Variants in UTRN observed in about 807,000 individuals in gnomAD.
UTRN encodes utrophin, also known as dystrophin-related protein 1.
A neutral mutation model predicts 463.9 loss-of-function variants in UTRN; 283 were observed. The observed-to-expected ratio is 0.61, with a 90% CI of 0.55 to 0.67. The LOEUF (loss-of-function observed/expected upper bound fraction) is 0.67. Ranked by LOEUF, UTRN falls within the 30% of genes least tolerant of loss-of-function variation. The pLI is 0.00. For synonymous variants in UTRN, 1,442 were observed against 1,431.5 expected (o/e 1.01, Z -0.17); for missense variants, 3,922 against 4,084.3 (o/e 0.96, Z 1.08).
intron 51 of UTRN, among the ~76,000 whole-genome samples, chr6:144,650,179 A>G (rs1054973754): frequency 1.2e-4 from 19 of 152,318 alleles, no homozygotes; most frequent in African/African-American, 3.8e-4. Context: ...CTTATTCACT[A>G]TCAGGAGAAC....
chr6:144,493,216 T>G, intron 32 of UTRN, 85 bp from the exon 33 acceptor site: 2 of 1,336,726 alleles, frequency 1.5e-6, no homozygotes, highest in East Asian at 2.4e-5. Context: ...GCTGTCAATC[T>G]GTGTAAGCTG....
At chr6:144,617,923 C>G (rs1806313453) in intron 51 of UTRN, among the ~76,000 whole-genome samples, 1 of 152,082 alleles carries the variant, frequency 6.6e-6, no homozygotes, top group Admixed American at 6.6e-5. Flanking sequence ...ATGGGCAGTT[C>G]AACTATTCTT....
chr6:144,748,006 T>A lies in UTRN; in HGVS notation c.7940-240T>A, dbSNP rs9390206. Among the ~76,000 whole-genome samples, 264 of 152,284 alleles carry A rather than the reference T, an allele frequency of 1.7e-3. 4 individuals carry two copies. The East Asian group carries it at 0.04, about 23-fold the overall frequency. ...AATATATTAAAGTTCAAAAACCGGGTCAATTTATTAATCTCAGTAACTGTT... is the reference window on the plus strand; with the variant it reads ...AATATATTAAAGTTCAAAAACCGGGACAATTTATTAATCTCAGTAACTGTT... On this transcript the variant is annotated intron_variant, in intron 54 of 74. Coordinates refer to ENST00000367545, the MANE Select transcript of UTRN (RefSeq NM_007124.3).
chr6:144,839,550 G>A (rs1781380686), intron 72 of UTRN, among the ~76,000 whole-genome samples: 3 of 152,134 alleles, frequency 2.0e-5, no homozygotes, highest in East Asian at 3.8e-4. Flanking sequence ...TTTAGAATGA[G>A]CAAGAAATTA....
chr6:144,825,763 T>C (rs1204009459), intron 66 of UTRN, among the ~76,000 whole-genome samples: 1 of 152,174 alleles, frequency 6.6e-6, no homozygotes, highest in Admixed American at 6.5e-5. Context: ...AGAAAGTATA[T>C]AGCATATCAT....
chr6:144,651,761 C>T (rs1778837497), intron 51 of UTRN, among the ~76,000 whole-genome samples: 1 of 152,060 alleles, frequency 6.6e-6, no homozygotes, highest in African/African-American at 2.4e-5. Flanking sequence ...TGTCAGTTTG[C>T]GTGTTGTAAA....
intron 60 of UTRN, among the ~76,000 whole-genome samples, chr6:144,775,781 GT>G (rs567354244): frequency 2.6e-5 from 4 of 152,118 alleles, no homozygotes; most frequent in Non-Finnish European, 5.9e-5. Context: ...CATGGTCCCA[GT>G]TTTCGACAAC....
intron 14 of UTRN, 85 bp downstream of exon 14, chr6:144,444,467 GTTTAC>G: frequency 1.0e-6 from 1 of 990,592 alleles, no homozygotes; most frequent in Non-Finnish European, 1.4e-6. Context: ...AAGTTGCCTT[GTTTAC>G]TTTTCTTTGA....
intron 53 of UTRN, among the ~76,000 whole-genome samples, chr6:144,702,991 T>A (rs1784743983): frequency 6.6e-6 from 1 of 152,162 alleles, no homozygotes; most frequent in Non-Finnish European, 1.5e-5. Flanking sequence ...TATTATGTAA[T>A]AATATAGGTA....
At chr6:144,707,597 A>G (rs761401821) in intron 53 of UTRN, among the ~76,000 whole-genome samples, 6 of 152,202 alleles carry the variant, frequency 3.9e-5, no homozygotes, top group Non-Finnish European at 7.3e-5. Flanking sequence ...AGTTATATTT[A>G]CCCAGGCCAA....
intron 53 of UTRN, among the ~76,000 whole-genome samples, chr6:144,725,305 A>G (rs1001675485): frequency 1.9e-4 from 29 of 152,310 alleles, no homozygotes; most frequent in African/African-American, 7.0e-4. Context: ...GCCATGGGGA[A>G]CTATGAGTCC....
At chr6:144,834,713 T>C (rs541433706) in intron 69 of UTRN, among the ~76,000 whole-genome samples, 11 of 152,340 alleles carry the variant, frequency 7.2e-5, no homozygotes, top group African/African-American at 2.6e-4. Context: ...CACCAGGTTC[T>C]TTCTGGCTGC....
At chr6:144,734,670 C>T (rs968779301) in intron 54 of UTRN, among the ~76,000 whole-genome samples, 1 of 152,136 alleles carries the variant, frequency 6.6e-6, no homozygotes, top group Admixed American at 6.6e-5. Context: ...CCTTTATCAC[C>T]ACGTCTACTA....
At chr6:144,450,883 C>T (rs904696777) in intron 17 of UTRN, among the ~76,000 whole-genome samples, 17 of 152,240 alleles carry the variant, frequency 1.1e-4, no homozygotes, top group African/African-American at 3.9e-4. Context: ...AATCACAGCA[C>T]TTTGGGAGGC....
At chr6:144,782,288 G>T (rs762640604) in intron 61 of UTRN, among the ~76,000 whole-genome samples, 165 bp downstream of exon 61, 1 of 152,082 alleles carries the variant, frequency 6.6e-6, no homozygotes, top group Admixed American at 6.5e-5. Context: ...AAATCATTGA[G>T]CTTCTTAACA....
At chr6:144,359,293 T>C (rs976143829) in intron 2 of UTRN, among the ~76,000 whole-genome samples, 1 of 152,172 alleles carries the variant, frequency 6.6e-6, no homozygotes, top group Non-Finnish European at 1.5e-5. Context: ...TCTCCAGACA[T>C]TGCCAGGTGT....
chr6:144,342,329 C>T (rs1419733188), intron 2 of UTRN, among the ~76,000 whole-genome samples: 1 of 138,496 alleles, frequency 7.2e-6, no homozygotes, highest in Admixed American at 7.1e-5. Flanking sequence ...AATTCTACTT[C>T]TGGGTACACA....
chr6:144,342,969 T>C (rs1270877452), intron 2 of UTRN, among the ~76,000 whole-genome samples: 1 of 150,284 alleles, frequency 6.7e-6, no homozygotes, highest in African/African-American at 2.5e-5. Context: ...ATTTGGAGAC[T>C]GAGGCTTAGA....
At chr6:144,356,812 A>G (rs915855433) in intron 2 of UTRN, among the ~76,000 whole-genome samples, 9 of 151,996 alleles carry the variant, frequency 5.9e-5, no homozygotes, top group African/African-American at 2.2e-4. Context: ...GCGACAGAGC[A>G]AGACTCCGTC....
Sources: allele counts gnomAD v4.1 joint callset (sites outside exome capture counted in the v4.1 genomes callset), GRCh38; gene constraint gnomAD v4.1.1; transcripts MANE v1.5; gene names NCBI Gene and HGNC (gene_info 2026-07-23, HGNC 2026-07-21).